The following SND1 variants were observed in gnomAD, a reference collection of about 807,000 sequenced individuals.
SND1 encodes staphylococcal nuclease and tudor domain containing 1, also known as staphylococcal nuclease domain-containing protein 1.
SND1 carries 38 observed loss-of-function variants against 121.7 expected under a neutral mutation model. The observed-to-expected ratio is 0.31, with a 90% CI of 0.24 to 0.41. The LOEUF is 0.41. Ranked by LOEUF, SND1 falls within the 10% of genes least tolerant of loss-of-function variation. The pLI, the probability that SND1 is intolerant of heterozygous loss-of-function variation, is 1.00. For missense variants in SND1, 868 were observed against 1,184.6 expected (o/e 0.73, Z 3.92); for synonymous variants, 401 against 447.4 (o/e 0.90, Z 1.31).
intron 15 of SND1, among the ~76,000 whole-genome samples, chr7:127,985,477 C>G (rs1802366232): frequency 6.6e-6 from 1 of 152,196 alleles, no homozygotes; most frequent in African/African-American, 2.4e-5. Context: ...AGGCTGGTCT[C>G]AAACTCCTGA....
chr7:128,056,479 A>G (rs1793143966), intron 16 of SND1, among the ~76,000 whole-genome samples: 1 of 152,246 alleles, frequency 6.6e-6, no homozygotes, highest in African/African-American at 2.4e-5. Flanking sequence ...AAATCAATAG[A>G]TAAGTACCAG....
chr7:127,854,615 G>C (rs1268438193), intron 12 of SND1, among the ~76,000 whole-genome samples: 1 of 151,010 alleles, frequency 6.6e-6, no homozygotes, highest in Non-Finnish European at 1.5e-5. Flanking sequence ...AAGGAGAAGG[G>C]GGCATTCGAC....
At chr7:127,944,463 T>C (rs1238416623) in intron 15 of SND1, among the ~76,000 whole-genome samples, 1 of 152,188 alleles carries the variant, frequency 6.6e-6, no homozygotes, top group Non-Finnish European at 1.5e-5. Context: ...TGGCGCCTGC[T>C]CAATGGCCCC....
chr7:128,055,612 G>T (rs1793129302), intron 16 of SND1, among the ~76,000 whole-genome samples: 1 of 152,208 alleles, frequency 6.6e-6, no homozygotes, highest in Non-Finnish European at 1.5e-5. Flanking sequence ...AAGGTAATGA[G>T]CCCAGAATGC....
At chr7:128,070,414 G>T (rs1793390557) in intron 16 of SND1, among the ~76,000 whole-genome samples, 1 of 152,186 alleles carries the variant, frequency 6.6e-6, no homozygotes, top group Non-Finnish European at 1.5e-5. Flanking sequence ...CTCATACGAA[G>T]CCTGCTCCCA....
chr7:127,782,545 G>A (rs1053729487), intron 10 of SND1, among the ~76,000 whole-genome samples: 6 of 151,936 alleles, frequency 3.9e-5, no homozygotes, highest in Non-Finnish European at 7.3e-5. Context: ...TTGTTAGTTC[G>A]CTGAAAGTAG....
chr7:127,885,528 T>C (rs891753750), intron 12 of SND1, among the ~76,000 whole-genome samples: 39 of 152,050 alleles, frequency 2.6e-4, no homozygotes, highest in African/African-American at 9.4e-4. Flanking sequence ...CCTCAGGAAC[T>C]CCATATGGCA....
chr7:127,688,031 A>G (rs1467583597), intron 2 of SND1, among the ~76,000 whole-genome samples: 2 of 152,152 alleles, frequency 1.3e-5, no homozygotes, highest in African/African-American at 4.8e-5. Flanking sequence ...GAAGGCATAT[A>G]TAAATCCCAT....
chr7:127,893,830 C>T (rs1265022612), intron 13 of SND1, among the ~76,000 whole-genome samples: 1 of 152,080 alleles, frequency 6.6e-6, no homozygotes, highest in Admixed American at 6.6e-5. Context: ...TACTTCTCTT[C>T]CTGGTCCCCT....
chr7:127,990,853 C>G (rs1202329079), intron 15 of SND1, 94 bp from the exon 16 acceptor site: 6 of 759,470 alleles, frequency 7.9e-6, no homozygotes, highest in Non-Finnish European at 1.3e-5. Context: ...GATGTAACGC[C>G]TGCTTCACTG....
At chr7:127,757,207 G>A (rs1234413251) in intron 10 of SND1, among the ~76,000 whole-genome samples, 1 of 152,032 alleles carries the variant, frequency 6.6e-6, no homozygotes. Flanking sequence ...TTTAATATCT[G>A]GCTTTTTTCA....
rs764247950 is a variant in SND1 at position 128,091,979 on chromosome 7, G to C, written c.2668-14G>C. ...CCGTATCCCTGAAGAGCTATTGTCTGTTTTTTCTTACAGCTGAACCTGTGG... is the reference window on the plus strand; with the variant it reads ...CCGTATCCCTGAAGAGCTATTGTCTCTTTTTTCTTACAGCTGAACCTGTGG... On this transcript the variant is annotated splice_polypyrimidine_tract_variant and intron_variant, in intron 23 of 23. Coordinates refer to ENST00000354725, the MANE Select transcript of SND1 (RefSeq NM_014390.4). 7 of 1,614,214 alleles carry C rather than the reference G, an allele frequency of 4.3e-6. No individual in the cohort carries two copies. In the Admixed American group the frequency reaches 6.7e-5, roughly 15 times the overall value.
At chr7:127,656,529 G>A (rs1035391132) in intron 1 of SND1, among the ~76,000 whole-genome samples, 1 of 151,954 alleles carries the variant, frequency 6.6e-6, no homozygotes, top group East Asian at 1.9e-4. Context: ...CACCATGTTG[G>A]CTGGTCTTGA....
chr7:127,759,753 A>G (rs2116473868), intron 10 of SND1, among the ~76,000 whole-genome samples: 1 of 152,262 alleles, frequency 6.6e-6, no homozygotes, highest in African/African-American at 2.4e-5. Context: ...ATATATCCAC[A>G]CCAACACCTC....
At chr7:127,793,735 CACAGATGAAACAGCTGTGA>C in intron 10 of SND1, among the ~76,000 whole-genome samples, 1 of 152,080 alleles carries the variant, frequency 6.6e-6, no homozygotes, top group Non-Finnish European at 1.5e-5. Flanking sequence ...TGTCATTCCC[CACAGATGAAACAGCTGTGA>C]ACAGCTACCG....
chr7:127,972,441 T>C (rs917435923), intron 15 of SND1, among the ~76,000 whole-genome samples: 11 of 151,942 alleles, frequency 7.2e-5, no homozygotes, highest in Non-Finnish European at 1.0e-4. Flanking sequence ...ATATTTTTTA[T>C]AGAGACGGGT....
intron 7 of SND1, among the ~76,000 whole-genome samples, chr7:127,704,597 A>T (rs1796157526): frequency 6.6e-6 from 1 of 152,118 alleles, no homozygotes; most frequent in Non-Finnish European, 1.5e-5. Context: ...CTATTAAGTG[A>T]GTTATTATGG....
intron 10 of SND1, among the ~76,000 whole-genome samples, chr7:127,772,635 A>G (rs1304666705): frequency 1.3e-5 from 2 of 152,226 alleles, no homozygotes; most frequent in African/African-American, 4.8e-5. Context: ...TTAAAAGGAT[A>G]TATTTCAGAG....
chr7:127,687,545 A>G (rs1042614116), intron 2 of SND1, among the ~76,000 whole-genome samples: 1 of 152,058 alleles, frequency 6.6e-6, no homozygotes, highest in Admixed American at 6.6e-5. Context: ...TTTAGTTCCC[A>G]CTTACAAAAG....
Sources: allele counts gnomAD v4.1 joint callset (sites outside exome capture counted in the v4.1 genomes callset), GRCh38; gene constraint gnomAD v4.1.1; transcripts MANE v1.5; gene names NCBI Gene and HGNC (gene_info 2026-07-23, HGNC 2026-07-21).